TIAM1: variants seen among roughly 807,000 people sequenced by gnomAD.
TIAM1 encodes the protein TIAM Rac1 associated GEF 1.
Under a neutral mutation model 163.5 loss-of-function variants are expected in TIAM1, and 65 were observed. The ratio of observed to expected loss-of-function variants is 0.40; its 90% confidence interval spans 0.33 to 0.49. TIAM1 has a LOEUF of 0.49. Ranked by LOEUF, TIAM1 falls within the 20% of genes least tolerant of loss-of-function variation. TIAM1 has a pLI of 0.77. For synonymous variants in TIAM1, 833 were observed against 810.1 expected (o/e 1.03, Z -0.48); for missense variants, 1,789 against 2,044.7 (o/e 0.87, Z 2.41).
In TIAM1 at chr21:31,120,565, G is replaced by A. The variant is rs771792246; in HGVS notation, c.4579C>T (p.Arg1527Trp). 7 of 1,614,028 alleles carry A rather than the reference G, an allele frequency of 4.3e-6. No homozygotes were observed. The Admixed American group carries it at 8.3e-5, about 19-fold the overall frequency. Reference protein sequence around the residue: ...GASVDRDLQERLQATSISQRE... With the variant: ...GASVDRDLQEWLQATSISQRE... ...TGACTGATGGAGGTGGCCTGAAGCC[G>A]CTCCTGCAGGTCTCTGTCCACTGAG... Residue 1527 changes from arginine to tryptophan, a missense_variant, in exon 28 of 28, where the codon CGG (arginine) becomes TGG (tryptophan). Physicochemically the swap from Arg to Trp is moderately radical, Grantham distance 101 (BLOSUM62 -3). This residue lies in a region of TIAM1 where 415 missense variants were observed against 439.2 expected (regional missense o/e 0.94). Transcript: ENST00000541036. This position sits in a 1 kb window ranked among gnomAD's most constrained non-coding sequence, Gnocchi z 4.2.
At chr21:31,480,542 A>C (rs1479532241) in intron 1 of TIAM1, among the ~76,000 whole-genome samples, 1 of 152,178 alleles carries the variant, frequency 6.6e-6, no homozygotes, top group Non-Finnish European at 1.5e-5. Context: ...AATAGCACAG[A>C]CAAGAAAGAA....
intron 1 of TIAM1, among the ~76,000 whole-genome samples, chr21:31,470,776 T>C (rs918747214): frequency 2.0e-5 from 3 of 152,150 alleles, no homozygotes; most frequent in African/African-American, 4.8e-5. Flanking sequence ...GGGAAAACCA[T>C]GTAGAAACAG....
chr21:31,160,052 G>A (rs1027324619), intron 16 of TIAM1, among the ~76,000 whole-genome samples: 3 of 152,166 alleles, frequency 2.0e-5, no homozygotes, highest in African/African-American at 7.2e-5. Context: ...CGGACAGCCC[G>A]TTCTGAGGGG....
intron 15 of TIAM1, among the ~76,000 whole-genome samples, chr21:31,170,893 G>A (rs990095830): frequency 9.9e-5 from 15 of 151,568 alleles, no homozygotes; most frequent in Middle Eastern, 3.2e-3. Flanking sequence ...AAAATTAGCC[G>A]GGCATGGTGG....
chr21:31,421,276 C>A (rs1326283424), intron 2 of TIAM1, among the ~76,000 whole-genome samples: 2 of 152,098 alleles, frequency 1.3e-5, no homozygotes, highest in Non-Finnish European at 2.9e-5. Flanking sequence ...CTGGACGTTG[C>A]AGCTACAAGC....
chr21:31,286,011 A>G (rs967535202), intron 2 of TIAM1, among the ~76,000 whole-genome samples: 1 of 152,234 alleles, frequency 6.6e-6, no homozygotes, highest in Non-Finnish European at 1.5e-5. Context: ...TGTGTATATC[A>G]TTGATCAGCA....
At chr21:31,129,590 C>G (rs1278782401) in intron 25 of TIAM1, among the ~76,000 whole-genome samples, 1 of 152,138 alleles carries the variant, frequency 6.6e-6, no homozygotes, top group African/African-American at 2.4e-5. Context: ...ATAGCTTGAG[C>G]CTAGAAATTT....
rs1433635690 is a variant in TIAM1 at position 31,195,278 on chromosome 21, T to C, written c.2521A>G (p.Lys841Glu). ...TCAATGTGGATGCTCTGAGTGACTT[T>C]TGGACAGATTTCAATTTCTTTGTAC... ...LLYKEIEICP[K>E]VTQSIHIEKS... Residue 841 changes from lysine to glutamate, a missense_variant, in exon 13 of 28, where the codon AAA becomes GAA. Around this residue, in one of 5 missense-constraint regions of TIAM1, gnomAD observed 456 missense variants for 586.6 expected, o/e 0.78. Coordinates refer to ENST00000541036, the MANE Select transcript of TIAM1 (RefSeq NM_001353694.2). 1 of 1,613,264 alleles carries C rather than the reference T, an allele frequency of 6.2e-7. No homozygotes were observed. The highest frequency in any genetic ancestry group is 8.5e-7 in the Non-Finnish European group (1 of 1,179,522).
chr21:31,223,611 G>A lies in TIAM1; in HGVS notation c.1810-20C>T. 6.4e-7 allele frequency: 1 copy of A among 1,566,708 alleles called. No homozygotes were observed. The highest frequency in any genetic ancestry group is 8.7e-7 in the Non-Finnish European group (1 of 1,155,538). On this transcript the variant is annotated intron_variant, in intron 7 of 27. Transcript: ENST00000541036. Reference sequence around the variant, plus strand: ...AAAGATCTATGGTAGTGAAAACACGGGAAAAGAAAAAGTGAGAAAATGGGA... The same window carrying A: ...AAAGATCTATGGTAGTGAAAACACGAGAAAAGAAAAAGTGAGAAAATGGGA...
At chr21:31,124,750 T>G (rs557432929) in intron 26 of TIAM1, 56 bp from the exon 27 acceptor site, 2 of 1,435,892 alleles carry the variant, frequency 1.4e-6, no homozygotes, top group African/African-American at 1.4e-5. Context: ...CATGGGGAAC[T>G]TCTAAGGTTA....
At chr21:31,507,945 C>CATA (rs958298619) in intron 1 of TIAM1, among the ~76,000 whole-genome samples, 2 of 152,204 alleles carry the variant, frequency 1.3e-5, no homozygotes, top group African/African-American at 4.8e-5. Context: ...TCTTCGTAGA[C>CATA]ATAATCAAGT....
chr21:31,125,059 G>A (rs1268056075), intron 26 of TIAM1, among the ~76,000 whole-genome samples: 2 of 151,926 alleles, frequency 1.3e-5, no homozygotes, highest in Non-Finnish European at 2.9e-5. Context: ...AGATTCTTGC[G>A]GCTCTGCAGA....
intron 1 of TIAM1, among the ~76,000 whole-genome samples, chr21:31,493,014 G>A (rs1046742601): frequency 1.3e-5 from 2 of 151,910 alleles, no homozygotes; most frequent in African/African-American, 2.4e-5. Flanking sequence ...TTAAGTTGAT[G>A]ATGAGTATCT....
At chr21:31,283,323 C>T (rs1362374351) in intron 2 of TIAM1, among the ~76,000 whole-genome samples, 1 of 152,174 alleles carries the variant, frequency 6.6e-6, no homozygotes, top group Non-Finnish European at 1.5e-5. Flanking sequence ...GGTTTAGAAG[C>T]CACCAGACCC....
intron 4 of TIAM1, among the ~76,000 whole-genome samples, chr21:31,264,198 G>T (rs533059031): frequency 1.3e-5 from 2 of 152,170 alleles, no homozygotes; most frequent in Admixed American, 1.3e-4. Flanking sequence ...GCAATACTGA[G>T]ATTTGGGCTT....
At chr21:31,411,824 C>T (rs2077364128) in intron 2 of TIAM1, among the ~76,000 whole-genome samples, 2 of 152,082 alleles carry the variant, frequency 1.3e-5, no homozygotes, top group African/African-American at 2.4e-5. Context: ...ATCTGGCCTG[C>T]AGGCGGGCTA....
chr21:31,363,129 C>T (rs1289117713), intron 2 of TIAM1, among the ~76,000 whole-genome samples: 3 of 152,070 alleles, frequency 2.0e-5, no homozygotes, highest in Non-Finnish European at 4.4e-5. Context: ...AGAGAAATTC[C>T]TTGGGAATTT....
At chr21:31,538,029 A>G (rs1467959303) in intron 1 of TIAM1, among the ~76,000 whole-genome samples, 1 of 152,208 alleles carries the variant, frequency 6.6e-6, no homozygotes, top group African/African-American at 2.4e-5. Context: ...CCTTACTATC[A>G]AGTACAAAAA....
chr21:31,314,851 C>A (rs2075051136), intron 2 of TIAM1, among the ~76,000 whole-genome samples: 3 of 152,090 alleles, frequency 2.0e-5, no homozygotes, highest in African/African-American at 4.8e-5. Flanking sequence ...AGCACACGAT[C>A]CCTGGAGGAC....
Sources: allele counts gnomAD v4.1 joint callset (sites outside exome capture counted in the v4.1 genomes callset), GRCh38; gene constraint gnomAD v4.1.1; regional missense constraint gnomAD v4.1.1; non-coding constraint Gnocchi (gnomAD v3.1); transcripts MANE v1.5; gene names NCBI Gene and HGNC (gene_info 2026-07-23, HGNC 2026-07-21).